TERT: variants seen among roughly 807,000 people sequenced by gnomAD.
TERT encodes the protein telomerase catalytic subunit.
In TERT, 42 loss-of-function variants were observed where a neutral mutation model predicts 104.0. That is an observed-to-expected ratio of 0.40 (90% CI 0.32 to 0.52). The LOEUF (loss-of-function observed/expected upper bound fraction) is 0.52, where lower values mean the gene tolerates loss of function less well. Ranked by LOEUF, TERT falls within the 20% of genes least tolerant of loss-of-function variation. TERT has a pLI of 0.43. For synonymous variants in TERT, 781 were observed against 725.6 expected (o/e 1.08, Z -1.23); for missense variants, 1,101 against 1,610.3 (o/e 0.68, Z 5.41).
chr5:1,275,605 C>G (rs1749506395), intron 6 of TERT, among the ~76,000 whole-genome samples: 1 of 152,030 alleles, frequency 6.6e-6, no homozygotes, highest in African/African-American at 2.4e-5. Context: ...TACTATAAAC[C>G]CGACCATAGT....
chr5:1,265,433 C>G lies in TERT; in HGVS notation c.2655-841G>C, dbSNP rs1748521827. ...GGACCCCAACATACACTCTGAGCCA[C>G]CTCCCTGGCCAGCACCCTCAGGAAC... On this transcript the variant is annotated intron_variant, in intron 10 of 15. Transcript: ENST00000310581. This position sits in a 1 kb window ranked among gnomAD's most constrained non-coding sequence, Gnocchi z 6.9. Among the ~76,000 whole-genome samples, 1 of 152,190 alleles carries G rather than the reference C, an allele frequency of 6.6e-6. No individual in the cohort carries two copies. Among genetic ancestry groups the G allele is most frequent in the Non-Finnish European group, 1.5e-5 (1 of 68,026 alleles).
Position 1,270,511 on chromosome 5 carries a change from T to C in TERT, c.2468+608A>G, listed in dbSNP as rs1748944588. 6.6e-6 allele frequency among the ~76,000 whole-genome samples: 1 copy of C among 152,186 alleles called. No homozygotes were observed. Among genetic ancestry groups the C allele is most frequent in the Non-Finnish European group, 1.5e-5 (1 of 68,020 alleles). On this transcript the variant is annotated intron_variant, in intron 8 of 15. Transcript: ENST00000310581. The surrounding 1 kb of genome is among the most constrained non-coding windows in gnomAD (Gnocchi z 8.3). The stretch of plus-strand genomic sequence containing the variant: ...GATGTGGCACCAGGCACTGTGGCTC[T>C]ACCACCGTGAGTGTGGCTCACCCAG...
At chr5:1,290,319 A>G (rs796964492) in intron 2 of TERT, among the ~76,000 whole-genome samples, 459 of 13,502 alleles carry the variant, frequency 0.034, 1 homozygote, top group Admixed American at 0.056. Context: ...CACTCACCCT[A>G]CACGTGACAG....
In TERT at chr5:1,263,995, C is replaced by T. The variant is rs532523293; in HGVS notation, c.2843+409G>A. ...AAAAGGGCCCTGAAGTCTCTGGGTT[C>T]GGAGAGACTCACGCCCAGCAGGGCC... On this transcript the variant is annotated intron_variant, in intron 11 of 15. Coordinates refer to ENST00000310581, the MANE Select transcript of TERT (RefSeq NM_198253.3). The surrounding 1 kb of genome is among the most constrained non-coding windows in gnomAD (Gnocchi z 5.3). 7.8e-4 allele frequency among the ~76,000 whole-genome samples: 119 copies of T among 151,702 alleles called. 1 individual carries two copies. The highest frequency in any genetic ancestry group is 2.8e-3 in the African/African-American group (115 of 41,112).
In TERT at chr5:1,257,486, C is replaced by T. The variant is rs1461699025; in HGVS notation, c.3032+1112G>A. ...AGCAGCTTGCACGAGGGCCCAGGCACGCGTCAGGGAGATGCAAACGAGGGA... is the reference window on the plus strand; with the variant it reads ...AGCAGCTTGCACGAGGGCCCAGGCATGCGTCAGGGAGATGCAAACGAGGGA... On this transcript the variant is annotated intron_variant, in intron 13 of 15. Transcript: ENST00000310581. The surrounding 1 kb of genome is among the most constrained non-coding windows in gnomAD (Gnocchi z 5.6). Among the ~76,000 whole-genome samples the T allele has an allele frequency of 6.6e-6, 1 of 152,104 alleles. No homozygotes were observed. Among genetic ancestry groups the T allele is most frequent in the Non-Finnish European group, 1.5e-5 (1 of 68,020 alleles).
chr5:1,267,632 C>T (rs35706685), intron 9 of TERT, among the ~76,000 whole-genome samples: 1 of 152,226 alleles, frequency 6.6e-6, no homozygotes, highest in African/African-American at 2.4e-5. Flanking sequence ...GGCACATATA[C>T]ACCACGGAAT....
At chr5:1,272,427 T>C (rs937621742) in intron 6 of TERT, 147 bp from the exon 7 acceptor site, 2 of 807,708 alleles carry the variant, frequency 2.5e-6, no homozygotes, top group Non-Finnish European at 4.2e-6. Flanking sequence ...AGCTTCTGTT[T>C]GGGAAACGGG....
chr5:1,275,474 A>G (rs1749495551), intron 6 of TERT, among the ~76,000 whole-genome samples: 1 of 152,012 alleles, frequency 6.6e-6, no homozygotes. Context: ...CATCCAGGCC[A>G]ATGAACACAA....
intron 1 of TERT, 39 bp from the exon 2 acceptor site, chr5:1,294,705 C>G: frequency 2.5e-6 from 4 of 1,580,836 alleles, no homozygotes; most frequent in Non-Finnish European, 3.4e-6. Flanking sequence ...CGCTGCTCTC[C>G]GCATGTCGCT....
rs528103697 is a variant in TERT at position 1,292,740 on chromosome 5, T to C, written c.1573+573A>G. Among the ~76,000 whole-genome samples the C allele has an allele frequency of 4.1e-4, 62 of 152,324 alleles. No homozygotes were observed. Among genetic ancestry groups the C allele is most frequent in the African/African-American group, 1.5e-3 (61 of 41,578 alleles). On this transcript the variant is annotated intron_variant, in intron 2 of 15. Transcript: ENST00000310581. The surrounding 1 kb of genome is among the most constrained non-coding windows in gnomAD (Gnocchi z 5.5). Reference sequence around the variant, plus strand: ...GTTGGTCAGGCTGGTCTCAAACTCCTGACCTCAGGTGATCCACCTGCCTCA... The same window carrying C: ...GTTGGTCAGGCTGGTCTCAAACTCCCGACCTCAGGTGATCCACCTGCCTCA...
intron 6 of TERT, among the ~76,000 whole-genome samples, chr5:1,277,172 G>A (rs945779027): frequency 1.3e-5 from 2 of 152,150 alleles, no homozygotes; most frequent in African/African-American, 2.4e-5. Context: ...TCAGGCCAGC[G>A]GCCACCGGAG....
At chr5:1,282,347 C>G in intron 3 of TERT, 82 bp downstream of exon 3, 2 of 1,458,892 alleles carry the variant, frequency 1.4e-6, no homozygotes, top group Non-Finnish European at 9.6e-7. Context: ...GAAGCACAGG[C>G]AAGTGGAGAC....
chr5:1,271,284 G>A lies in TERT; in HGVS notation c.2383-80C>T, dbSNP rs946234019. On this transcript the variant is annotated intron_variant, in intron 7 of 15. Transcript: ENST00000310581. Reference sequence around the variant, plus strand: ...CAGGACCACGTGGCCAAGACCCTCCGTCCCTTTTGGGGTCAGTGTTTGTGA... The same window carrying A: ...CAGGACCACGTGGCCAAGACCCTCCATCCCTTTTGGGGTCAGTGTTTGTGA... 7.8e-5 allele frequency: 77 copies of A among 990,036 alleles called. 1 individual carries two copies. The highest frequency in any genetic ancestry group is 2.9e-4 in the South Asian group (22 of 74,826). 61.3% of individuals were successfully genotyped at this position (990,036 alleles called of 1,614,324 possible).
At position 1,268,974 on chromosome 5, in the gene TERT, CCTT is replaced by C. The variant is rs1466642319; in HGVS notation, c.2469-344_2469-342del. Among the ~76,000 whole-genome samples, 1 of 151,974 alleles carries C rather than the reference CCTT, an allele frequency of 6.6e-6. No homozygotes were observed. Among genetic ancestry groups the C allele is most frequent in the East Asian group, 1.9e-4 (1 of 5,168 alleles). Reference sequence around the variant, plus strand: ...CCCGGAATGAATGCTTAACCGGACTCCTTTTTTTTTTTTCAAGGAATTTGTCCA... The same window carrying C: ...CCCGGAATGAATGCTTAACCGGACTCTTTTTTTTTTCAAGGAATTTGTCCA... On this transcript the variant is annotated intron_variant, in intron 8 of 15. Coordinates refer to ENST00000310581, the MANE Select transcript of TERT (RefSeq NM_198253.3). The surrounding 1 kb of genome is among the most constrained non-coding windows in gnomAD (Gnocchi z 5.5).
chr5:1,272,524 C>T (rs1339708559), intron 6 of TERT, among the ~76,000 whole-genome samples: 1 of 146,410 alleles, frequency 6.8e-6, no homozygotes, highest in Non-Finnish European at 1.5e-5. Context: ...TGTGACCGAT[C>T]ACCATCCACA....
In TERT at chr5:1,256,798, C is replaced by A. The variant is rs775987047; in HGVS notation, c.3033-1387G>T. 6.6e-6 allele frequency among the ~76,000 whole-genome samples: 1 copy of A among 152,228 alleles called. No individual in the cohort carries two copies. Among genetic ancestry groups the A allele is most frequent in the Non-Finnish European group, 1.5e-5 (1 of 68,042 alleles). ...ACGCTCCTGACCCAGGAGGGAAACA[C>A]CTAGCATGGGTGAGGGGCTCTCTTC... On this transcript the variant is annotated intron_variant, in intron 13 of 15. Transcript: ENST00000310581. The surrounding 1 kb of genome is among the most constrained non-coding windows in gnomAD (Gnocchi z 7.0).
chr5:1,293,712 G>C lies in TERT; in HGVS notation c.1174C>G (p.Leu392Val). Reference protein sequence around the residue: ...LPQRYWQMRPLFLELLGNHAQ... With the variant: ...LPQRYWQMRPVFLELLGNHAQ... The stretch of plus-strand genomic sequence containing the variant: ...TGGTTCCCAAGCAGCTCCAGAAACA[G>C]GGGCCGCATTTGCCAGTAGCGCTGG... Residue 392 changes from leucine to valine, a missense_variant, in exon 2 of 16, where the codon CTG (leucine) becomes GTG (valine). Physicochemically the swap from Leu to Val is conservative, Grantham distance 32. This residue lies in a region of TERT where 504 missense variants were observed against 544.6 expected (regional missense o/e 0.93). Coordinates refer to ENST00000310581, the MANE Select transcript of TERT (RefSeq NM_198253.3). 6.4e-7 allele frequency: 1 copy of C among 1,573,508 alleles called. No individual in the cohort carries two copies. The highest frequency in any genetic ancestry group is 8.6e-7 in the Non-Finnish European group (1 of 1,159,998).
Position 1,295,011 on chromosome 5 carries a change from G to A in TERT, c.-22C>T. 1.5e-6 allele frequency: 2 copies of A among 1,295,100 alleles called. No individual in the cohort carries two copies. The highest frequency in any genetic ancestry group is 3.1e-5 in the East Asian group (1 of 32,224). The allele number at this position is 1,295,100 out of a possible 1,614,324, so 80.2% of individuals were successfully genotyped here. Reference sequence around the variant, plus strand: ...GCATCGCGGGGGTGGCCGGGGCCAGGGCTTCCCACGTGCGCAGCAGGACGC... The same window carrying A: ...GCATCGCGGGGGTGGCCGGGGCCAGAGCTTCCCACGTGCGCAGCAGGACGC... On this transcript the variant is annotated 5_prime_UTR_variant, in exon 1 of 16. Coordinates refer to ENST00000310581, the MANE Select transcript of TERT (RefSeq NM_198253.3).
Position 1,286,164 on chromosome 5 carries a change from C to T in TERT, c.1574-3540G>A, listed in dbSNP as rs988048552. ...GGCCACGTGGTGCTCCAGACACTCA[C>T]GGGCCAAGATGACCGCCCTCCTCGT... On this transcript the variant is annotated intron_variant, in intron 2 of 15. Transcript: ENST00000310581. The surrounding 1 kb of genome is among the most constrained non-coding windows in gnomAD (Gnocchi z 5.3). 2.0e-5 allele frequency among the ~76,000 whole-genome samples: 3 copies of T among 152,172 alleles called. 1 individual carries two copies. Among genetic ancestry groups the T allele is most frequent in the South Asian group, 4.1e-4 (2 of 4,828 alleles).
Sources: gnomAD v4.1 joint callset for allele counts (sites outside exome capture counted in the v4.1 genomes callset) on GRCh38, gnomAD v4.1.1 for gene constraint, gnomAD v4.1.1 regional missense constraint, Gnocchi (gnomAD v3.1) non-coding constraint, MANE v1.5 for transcripts, NCBI Gene and HGNC (gene_info 2026-07-23, HGNC 2026-07-21) for gene names.